GLIS1: variants seen among roughly 807,000 people sequenced by gnomAD.
GLIS1 encodes the protein zinc finger protein GLIS1.
GLIS1 carries 24 observed loss-of-function variants against 63.8 expected under a neutral mutation model. The ratio of observed to expected loss-of-function variants is 0.38; its 90% CI spans 0.27 to 0.53. The LOEUF is 0.53. GLIS1 is among the 20% of genes least tolerant of loss of function. The pLI is 0.85. For missense variants in GLIS1, 1,036 were observed against 1,074.1 expected, an observed-to-expected ratio of 0.96 and a Z score of 0.50; for synonymous variants, 450 against 482.5, an observed-to-expected ratio of 0.93 and a Z score of 0.88.
intron 2 of GLIS1, among the ~76,000 whole-genome samples, chr1:53,692,666 G>A (rs1383975684): frequency 6.6e-6 from 1 of 152,222 alleles, no homozygotes; most frequent in Non-Finnish European, 1.5e-5. Context: ...TCTAGCCTGA[G>A]TGGAAGTGGG....
At chr1:53,637,661 C>T (rs930397068) in intron 2 of GLIS1, among the ~76,000 whole-genome samples, 5 of 152,090 alleles carry the variant, frequency 3.3e-5, no homozygotes, top group South Asian at 2.1e-4. Flanking sequence ...AAATAATACC[C>T]GCAGGGCCTA....
intron 4 of GLIS1, among the ~76,000 whole-genome samples, chr1:53,566,006 T>G (rs1644933489): frequency 6.6e-6 from 1 of 152,182 alleles, no homozygotes; most frequent in Non-Finnish European, 1.5e-5. Flanking sequence ...GTAAGAAGTA[T>G]TTGACATTAG....
intron 4 of GLIS1, among the ~76,000 whole-genome samples, chr1:53,543,956 C>T (rs1415099169): frequency 2.0e-5 from 3 of 152,132 alleles, no homozygotes; most frequent in East Asian, 1.9e-4. Flanking sequence ...CAGGAAGGGG[C>T]CCCTGAGGAG....
chr1:53,624,485 A>C (rs1470880131), intron 2 of GLIS1, among the ~76,000 whole-genome samples: 1 of 152,202 alleles, frequency 6.6e-6, no homozygotes. Flanking sequence ...GAACACACAA[A>C]AAGCAGGAAA....
chr1:53,636,572 C>G (rs1645723841), intron 2 of GLIS1, among the ~76,000 whole-genome samples: 2 of 152,178 alleles, frequency 1.3e-5, no homozygotes, highest in Non-Finnish European at 1.5e-5. Flanking sequence ...ATTGGACATT[C>G]TGTGTAAGGC....
At chr1:53,555,684 C>T (rs937148755) in intron 4 of GLIS1, among the ~76,000 whole-genome samples, 5 of 152,238 alleles carry the variant, frequency 3.3e-5, no homozygotes, top group South Asian at 4.1e-4. Context: ...CCCATATATA[C>T]ACCTACTATG....
intron 4 of GLIS1, among the ~76,000 whole-genome samples, chr1:53,554,854 C>A (rs930253961): frequency 5.3e-5 from 8 of 152,222 alleles, no homozygotes; most frequent in African/African-American, 1.9e-4. Flanking sequence ...GAGGCCACTT[C>A]TGAAGGACAC....
intron 2 of GLIS1, among the ~76,000 whole-genome samples, chr1:53,645,178 C>T (rs781096141): frequency 6.6e-6 from 1 of 152,210 alleles, no homozygotes; most frequent in Non-Finnish European, 1.5e-5. Context: ...GCTTCTCCCC[C>T]CCAGACATCT....
rs547804784 is a variant in GLIS1 at position 53,560,437 on chromosome 1, G to A, written c.1321-30485C>T. On this transcript the variant is annotated intron_variant, in intron 4 of 10. Coordinates refer to ENST00000628545, the MANE Select transcript of GLIS1 (RefSeq NM_001367484.1). The surrounding 1 kb of genome is among the most constrained non-coding windows in gnomAD (Gnocchi z 4.4). ...TGCAAGGGCAGGGGTTCCACTGGCA[G>A]ACGGACAGTTCCGGTCGGGAGATAT... is the stretch of plus-strand genomic sequence containing the variant. 1.3e-5 allele frequency among the ~76,000 whole-genome samples: 2 copies of A among 152,344 alleles called. No homozygotes were observed. The highest frequency in any genetic ancestry group is 2.4e-5 in the African/African-American group (1 of 41,586).
intron 2 of GLIS1, among the ~76,000 whole-genome samples, chr1:53,632,799 AAGG>A (rs530031674): frequency 1.1e-3 from 132 of 118,632 alleles, no homozygotes; most frequent in African/African-American, 4.3e-3. Context: ...ACTGAGGAGA[AAGG>A]GGGAGTGAGA....
intron 2 of GLIS1, among the ~76,000 whole-genome samples, chr1:53,701,883 C>T (rs1196054182): frequency 6.6e-6 from 1 of 151,338 alleles, no homozygotes; most frequent in Non-Finnish European, 1.5e-5. Context: ...GTCCCAGCTA[C>T]TCTGGAGGCT....
intron 4 of GLIS1, among the ~76,000 whole-genome samples, chr1:53,537,116 G>C (rs909490949): frequency 6.6e-6 from 1 of 152,194 alleles, no homozygotes; most frequent in Non-Finnish European, 1.5e-5. Flanking sequence ...AGACAGAGGG[G>C]AGCCATCCCA....
intron 2 of GLIS1, among the ~76,000 whole-genome samples, chr1:53,623,415 A>T (rs535152417): frequency 6.6e-6 from 1 of 152,368 alleles, no homozygotes; most frequent in East Asian, 1.9e-4. Context: ...TATATCAATG[A>T]TAAACTATAG....
At chr1:53,568,604 A>G (rs1644956185) in intron 4 of GLIS1, among the ~76,000 whole-genome samples, 1 of 152,200 alleles carries the variant, frequency 6.6e-6, no homozygotes, top group African/African-American at 2.4e-5. Context: ...ATCCCCAGGT[A>G]TCAGGGAAGG....
At chr1:53,554,639 C>A (rs370377171) in intron 4 of GLIS1, among the ~76,000 whole-genome samples, 3 of 152,082 alleles carry the variant, frequency 2.0e-5, no homozygotes, top group Admixed American at 6.5e-5. Context: ...ATTGCCCCCC[C>A]AGGGCAACAG....
At chr1:53,562,564 A>G (rs1159235541) in intron 4 of GLIS1, among the ~76,000 whole-genome samples, 3 of 151,112 alleles carry the variant, frequency 2.0e-5, no homozygotes, top group Non-Finnish European at 4.4e-5. Context: ...CTGCAACCCC[A>G]CCCTCTCAGC....
chr1:53,512,887 C>A (rs1306289058), intron 8 of GLIS1, among the ~76,000 whole-genome samples: 1 of 151,554 alleles, frequency 6.6e-6, no homozygotes, highest in African/African-American at 2.4e-5. Context: ...GTGGCCTGAG[C>A]AGCTATGGGT....
chr1:53,595,773 G>A (rs10888795), intron 3 of GLIS1, among the ~76,000 whole-genome samples: 41,063 of 152,048 alleles, frequency 0.27, 6,020 homozygotes, highest in South Asian at 0.35. Flanking sequence ...ATGACACTTC[G>A]CCCCAAGCAG....
intron 2 of GLIS1, among the ~76,000 whole-genome samples, chr1:53,689,586 C>T (rs139273455): frequency 7.9e-5 from 12 of 152,216 alleles, no homozygotes; most frequent in African/African-American, 2.4e-4. Context: ...AGAAGGCAAG[C>T]GCTCAAGAGG....
Sources: gnomAD v4.1 joint callset for allele counts (sites outside exome capture counted in the v4.1 genomes callset) on GRCh38, gnomAD v4.1.1 for gene constraint, Gnocchi (gnomAD v3.1) non-coding constraint, MANE v1.5 for transcripts, NCBI Gene and HGNC (gene_info 2026-07-23, HGNC 2026-07-21) for gene names.